Variants in CAPN15 observed in about 807,000 individuals in gnomAD.
The protein encoded by CAPN15 is calpain-15.
CAPN15 carries 53 observed loss-of-function variants against 97.9 expected under a neutral mutation model. The observed-to-expected ratio is 0.54, with a 90% CI of 0.43 to 0.68. The LOEUF is 0.68. CAPN15 is among the 30% of genes least tolerant of loss of function. The pLI is 0.00. For synonymous variants in CAPN15, 922 were observed against 722.5 expected (o/e 1.28, Z -4.43); for missense variants, 1,592 against 1,589.8 (o/e 1.00, Z -0.02).
chr16:548,884 T>C, intron 4 of CAPN15, 109 bp from the exon 5 acceptor site: 1 of 1,007,988 alleles, frequency 9.9e-7, no homozygotes, highest in Non-Finnish European at 1.5e-6. Flanking sequence ...ACCCGTCCCT[T>C]TGGGGCTCAG....
At position 552,534 on chromosome 16, in the gene CAPN15, C is replaced by T. The variant is rs528802092; in HGVS notation, c.2737+4C>T. The T allele has an allele frequency of 4.0e-5, 63 of 1,594,852 alleles. No individual in the cohort carries two copies. Among genetic ancestry groups the T allele is most frequent in the African/African-American group, 9.4e-5 (7 of 74,818 alleles). ...CCGGGCACCCCTGCCCCCCAGGGTA[C>T]GTGGCCCCTACCCCAGGCTCATGCC... On this transcript the variant is annotated splice_donor_region_variant and intron_variant, in intron 11 of 13. Coordinates refer to ENST00000219611, the MANE Select transcript of CAPN15 (RefSeq NM_005632.3). The surrounding 1 kb of genome is among the most constrained non-coding windows in gnomAD (Gnocchi z 6.4).
rs546957649 is a variant in CAPN15 at position 546,418 on chromosome 16, G to A, written c.-22-399G>A. Among the ~76,000 whole-genome samples, 3 of 151,804 alleles carry A rather than the reference G, an allele frequency of 2.0e-5. No homozygotes were observed. In the South Asian group the frequency reaches 6.3e-4, roughly 32 times the overall value. On this transcript the variant is annotated intron_variant, in intron 3 of 13. Coordinates refer to ENST00000219611, the MANE Select transcript of CAPN15 (RefSeq NM_005632.3). ...TCCCCAGGCCCCGGCCCATGCACCT[G>A]CCCTTCCGTAGGTCTGAGCACCTGT...
rs1224000793 is a variant in CAPN15 at position 547,517 on chromosome 16, C to A, written c.679C>A (p.Pro227Thr). 1.3e-6 allele frequency: 2 copies of A among 1,598,132 alleles called. No homozygotes were observed. The highest frequency in any genetic ancestry group is 1.7e-5 in the Admixed American group (1 of 59,920). The change falls in exon 4 of 14, where the codon CCC becomes ACC. Residue 227 changes from proline to threonine, a missense_variant. Physicochemically the swap from Pro to Thr is conservative, Grantham distance 38. Coordinates refer to ENST00000219611, the MANE Select transcript of CAPN15 (RefSeq NM_005632.3). ...GGGCCCAGCTGCCGAACCAGAGCCG[C>A]CCAGGGTCCCGCCCTTCAGCCCCTT... ...SQGPAAEPEP[P>T]RVPPFSPFSS...
Position 554,567 on chromosome 16 carries a change from C to T in CAPN15, c.*1051C>T, listed in dbSNP as rs571772482. 7 of 456,140 alleles carry T rather than the reference C, an allele frequency of 1.5e-5. No homozygotes were observed. Among genetic ancestry groups the T allele is most frequent in the South Asian group, 9.3e-5 (6 of 64,572 alleles). The allele number at this position is 456,140 out of a possible 1,614,324, so 28.3% of individuals were successfully genotyped here. On this transcript the variant is annotated 3_prime_UTR_variant, in exon 14 of 14. Coordinates refer to ENST00000219611, the MANE Select transcript of CAPN15 (RefSeq NM_005632.3). ...ATCAATTGTCAGTCCCGTTCCTTTACCATAGGATTCTCCACAGTGGCTTCC... is the reference window on the plus strand; with the variant it reads ...ATCAATTGTCAGTCCCGTTCCTTTATCATAGGATTCTCCACAGTGGCTTCC...
chr16:553,708 C>T lies in CAPN15; in HGVS notation c.*192C>T, dbSNP rs2035271636. 4 of 489,026 alleles carry T rather than the reference C, an allele frequency of 8.2e-6. No homozygotes were observed. The highest frequency in any genetic ancestry group is 1.4e-5 in the Non-Finnish European group (4 of 277,546). The allele number at this position is 489,026 out of a possible 1,614,324, so 30.3% of individuals were successfully genotyped here. On this transcript the variant is annotated 3_prime_UTR_variant, in exon 14 of 14. Transcript: ENST00000219611. The stretch of plus-strand genomic sequence containing the variant: ...CCCCTCCCTGAACCCCACAGTCCGC[C>T]TGGCCAGGCCTCCTGGCCGCCACGC...
chr16:533,298 C>A (rs1291417890), intron 1 of CAPN15, among the ~76,000 whole-genome samples: 2 of 152,232 alleles, frequency 1.3e-5, no homozygotes, highest in African/African-American at 4.8e-5. Flanking sequence ...GGGCCCTACA[C>A]AGGGCCCAGG....
At position 547,969 on chromosome 16, in the gene CAPN15, C is replaced by T. The variant is rs1215632757; in HGVS notation, c.1131C>T (p.Pro377=). Residue 377 remains proline (P), a synonymous_variant, in exon 4 of 14, where the codon CCC becomes CCT. Transcript: ENST00000219611. ...KLHGFQEHGE[P]PTHCPDCGAD... ...ACGGCTTCCAGGAGCATGGCGAGCC[C>T]CCCACCCACTGCCCCGACTGTGGGG... The T allele has an allele frequency of 2.5e-6, 4 of 1,585,906 alleles. No homozygotes were observed. The highest frequency in any genetic ancestry group is 1.3e-5 in the African/African-American group (1 of 74,196).
intron 1 of CAPN15, among the ~76,000 whole-genome samples, chr16:530,994 G>A (rs961012542): frequency 1.3e-5 from 2 of 152,224 alleles, no homozygotes; most frequent in Non-Finnish European, 2.9e-5. Context: ...GAGGTCAAAG[G>A]GAAGCTTCAA....
intron 1 of CAPN15, 84 bp from the exon 2 acceptor site, chr16:533,861 AG>A: frequency 1.6e-6 from 1 of 615,410 alleles, no homozygotes; most frequent in Non-Finnish European, 2.0e-6. Context: ...TCCTGCAGAG[AG>A]GGCTGGAGGC....
At position 554,457 on chromosome 16, in the gene CAPN15, TC is replaced by T; in HGVS notation, c.*945del. The T allele has an allele frequency of 2.2e-6, 1 of 450,854 alleles. No individual in the cohort carries two copies. The highest frequency in any genetic ancestry group is 4.5e-6 in the Non-Finnish European group (1 of 224,054). The allele number at this position is 450,854 out of a possible 1,614,324, so 27.9% of individuals were successfully genotyped here. On this transcript the variant is annotated 3_prime_UTR_variant, in exon 14 of 14. Transcript: ENST00000219611. ...TTTTCACCTGGAGAAACATTCCCAC[TC>T]CCCTTTGGCCTCCCTGTACTCTGAG...
rs1331228649 is a variant in CAPN15 at position 553,047 on chromosome 16, C to T, written c.3083+6C>T. On this transcript the variant is annotated splice_donor_region_variant and intron_variant, in intron 13 of 13. Transcript: ENST00000219611. ...AGCGTGCCACCCCTGCACAGGTGCG[C>T]CCCCGCCCCTGCCCCCCCACCCCTG... The T allele has an allele frequency of 3.8e-6, 5 of 1,329,660 alleles. No individual in the cohort carries two copies. Among genetic ancestry groups the T allele is most frequent in the African/African-American group, 1.6e-5 (1 of 61,502 alleles). 82.4% of individuals were successfully genotyped at this position (1,329,660 alleles called of 1,614,324 possible).
At chr16:551,252 G>A (rs1266224134) in intron 7 of CAPN15, 50 bp from the exon 8 acceptor site, 5 of 1,524,790 alleles carry the variant, frequency 3.3e-6, no homozygotes, top group Non-Finnish European at 4.4e-6. Context: ...GTCGGTGAGG[G>A]TCCCCTGTCG....
Position 552,360 on chromosome 16 carries a change from C to T in CAPN15, c.2567C>T (p.Thr856Met), listed in dbSNP as rs773276804. 2.6e-5 allele frequency: 42 copies of T among 1,598,782 alleles called. No homozygotes were observed. The highest frequency in any genetic ancestry group is 3.3e-5 in the South Asian group (3 of 89,860). Residue 856 changes from threonine to methionine, a missense_variant, in exon 11 of 14, where the codon ACG becomes ATG. This residue lies in a region of CAPN15 where 644 missense variants were observed against 699.6 expected (regional missense o/e 0.92). Transcript: ENST00000219611. The surrounding 1 kb of genome is among the most constrained non-coding windows in gnomAD (Gnocchi z 6.4). The stretch of plus-strand genomic sequence containing the variant: ...CTGTGCATCCTGGTGTTCCGGGCCA[C>T]GTTCGGCAGCGGCGGCCACCTCAGC... ...LDLCILVFRA[T>M]FGSGGHLSLG... is the part of the protein sequence containing the mutation.
At chr16:548,625 C>T (rs187954877) in intron 4 of CAPN15, among the ~76,000 whole-genome samples, 177 of 152,352 alleles carry the variant, frequency 1.2e-3, no homozygotes, top group African/African-American at 4.0e-3. Context: ...AGTGCGAGGT[C>T]GGGATGTACC....
intron 7 of CAPN15, among the ~76,000 whole-genome samples, chr16:550,568 C>T (rs994646402): frequency 2.6e-5 from 4 of 152,324 alleles, no homozygotes; most frequent in East Asian, 1.9e-4. Context: ...GTGAGGGCCC[C>T]GCTCAGCCAT....
intron 7 of CAPN15, among the ~76,000 whole-genome samples, chr16:550,160 G>A (rs540126672): frequency 7.2e-5 from 11 of 152,150 alleles, no homozygotes; most frequent in African/African-American, 1.2e-4. Flanking sequence ...CATCCGCCTC[G>A]GGGCAGGCGT....
At position 552,774 on chromosome 16, in the gene CAPN15, G is replaced by A. The variant is rs1470500917; in HGVS notation, c.2904+3G>A. 2.0e-6 allele frequency: 3 copies of A among 1,528,542 alleles called. No homozygotes were observed. The highest frequency in any genetic ancestry group is 2.6e-6 in the Non-Finnish European group (3 of 1,134,944). 94.7% of individuals were successfully genotyped at this position (1,528,542 alleles called of 1,614,324 possible). A position where few individuals can be genotyped will look rare whatever the true frequency, so the allele number is the denominator to read the frequency against. Reference sequence around the variant, plus strand: ...AGAGCCGCGGAGAGCGGCACGAGGTGGGTGGGGGTCCCGGGGGAGGGTGGC... The same window carrying A: ...AGAGCCGCGGAGAGCGGCACGAGGTAGGTGGGGGTCCCGGGGGAGGGTGGC... On this transcript the variant is annotated splice_donor_region_variant and intron_variant, in intron 12 of 13. Transcript: ENST00000219611. This position sits in a 1 kb window ranked among gnomAD's most constrained non-coding sequence, Gnocchi z 6.4.
intron 1 of CAPN15, among the ~76,000 whole-genome samples, 185 bp from the exon 2 acceptor site, chr16:533,761 C>T (rs980761913): frequency 4.7e-4 from 71 of 152,328 alleles, no homozygotes; most frequent in African/African-American, 1.6e-3. Flanking sequence ...CCCGGGCTGC[C>T]TTTGGCGCTC....
intron 3 of CAPN15, among the ~76,000 whole-genome samples, chr16:540,858 G>T (rs751651618): frequency 6.6e-6 from 1 of 152,204 alleles, no homozygotes; most frequent in Non-Finnish European, 1.5e-5. Context: ...CTCAGGAGCT[G>T]CCATCAGGTT....
Sources: gnomAD v4.1 joint callset for allele counts (sites outside exome capture counted in the v4.1 genomes callset) on GRCh38, gnomAD v4.1.1 for gene constraint, gnomAD v4.1.1 regional missense constraint, Gnocchi (gnomAD v3.1) non-coding constraint, MANE v1.5 for transcripts, NCBI Gene and HGNC (gene_info 2026-07-23, HGNC 2026-07-21) for gene names.